The following STN1 variants were observed in gnomAD, a reference collection of about 807,000 sequenced individuals.
STN1 encodes STN1 subunit of CST complex.
STN1 carries 29 observed loss-of-function variants against 45.5 expected under a neutral mutation model. The observed-to-expected ratio is 0.64, with a 90% confidence interval of 0.47 to 0.87. The LOEUF is 0.87. Among genes scored for constraint, STN1 ranks in the 40% least tolerant of loss-of-function variants. The probability of loss-of-function intolerance (pLI) is 0.00; values close to 1 mark genes in which losing one functional copy is unlikely to be tolerated. For synonymous variants in STN1, 148 were observed against 159.0 expected (o/e 0.93, Z 0.52); for missense variants, 376 against 441.4 (o/e 0.85, Z 1.33).
chr10:103,885,266 A>T (rs750044257), intron 9 of STN1, among the ~76,000 whole-genome samples: 2 of 152,194 alleles, frequency 1.3e-5, no homozygotes, highest in Non-Finnish European at 2.9e-5. Flanking sequence ...GCTGACCAGC[A>T]AGCAAGGATA....
At chr10:103,890,521 C>T (rs1843133302) in intron 8 of STN1, among the ~76,000 whole-genome samples, 1 of 152,202 alleles carries the variant, frequency 6.6e-6, no homozygotes, top group African/African-American at 2.4e-5. Context: ...GACTGCTGCT[C>T]CTCAGGAAGG....
chr10:103,905,718 AG>A (rs1459956664), intron 3 of STN1, among the ~76,000 whole-genome samples: 1 of 152,176 alleles, frequency 6.6e-6, no homozygotes, highest in Admixed American at 6.5e-5. Context: ...TCACCACCGC[AG>A]GGGCTGTAAG....
At chr10:103,910,484 C>A in intron 3 of STN1, 43 bp downstream of exon 3, 1 of 1,334,746 alleles carries the variant, frequency 7.5e-7, no homozygotes, top group South Asian at 1.2e-5. Context: ...CCAGAAGGGT[C>A]AGCCTTCTAC....
chr10:103,905,104 A>C lies in STN1; in HGVS notation c.282T>G (p.Thr94=). 6.2e-7 allele frequency: 1 copy of C among 1,613,876 alleles called. No homozygotes were observed. Among genetic ancestry groups the C allele is most frequent in the South Asian group, 1.1e-5 (1 of 91,080 alleles). The change falls in exon 4 of 10, where the codon ACT becomes ACG. Residue 94 remains threonine (T), a synonymous_variant. Coordinates refer to ENST00000224950, the MANE Select transcript of STN1 (RefSeq NM_024928.5). ...INCICWKKLN[T]ESVSAAPSAA... ...AAATAAAATTACCTGATACAGACTCAGTATTCAACTTTTTCCAGCAGATGC... is the reference window on the plus strand; with the variant it reads ...AAATAAAATTACCTGATACAGACTCCGTATTCAACTTTTTCCAGCAGATGC...
Position 103,878,370 on chromosome 10 carries a change from C to G in STN1, c.*4314G>C, listed in dbSNP as rs964229503. The G allele has an allele frequency of 1.3e-5, 2 of 152,178 alleles. No homozygotes were observed. The highest frequency in any genetic ancestry group is 2.9e-5 in the Non-Finnish European group (2 of 68,048). The allele number at this position is 152,178 out of a possible 1,614,324, so 9.4% of individuals were successfully genotyped here. ...GCTCCAGAGAGTTTTCTAAGAGTCCCTCATGTTCTTAGAGTTCTGATGTTG... is the reference window on the plus strand; with the variant it reads ...GCTCCAGAGAGTTTTCTAAGAGTCCGTCATGTTCTTAGAGTTCTGATGTTG... On this transcript the variant is annotated 3_prime_UTR_variant, in exon 10 of 10. Coordinates refer to ENST00000224950, the MANE Select transcript of STN1 (RefSeq NM_024928.5).
chr10:103,917,522 C>A lies in STN1; in HGVS notation c.73G>T (p.Ala25Ser). 1.2e-6 allele frequency: 2 copies of A among 1,614,146 alleles called. No homozygotes were observed. Among genetic ancestry groups the A allele is most frequent in the Non-Finnish European group, 1.7e-6 (2 of 1,180,006 alleles). The change falls in exon 2 of 10, where the codon GCC (alanine) becomes TCC (serine). Residue 25 changes from alanine (A) to serine (S), a missense_variant. Ala to Ser is a moderately conservative substitution (Grantham distance 99). Transcript: ENST00000224950. ...TCCCTGATGTAGAGTTTTGCAAAGGCTAGAAACACAGGATCCAAACCCCAC... is the reference window on the plus strand; with the variant it reads ...TCCCTGATGTAGAGTTTTGCAAAGGATAGAAACACAGGATCCAAACCCCAC... ...LLWGLDPVFL[A>S]FAKLYIRDIL... is the part of the protein sequence containing the mutation.
At chr10:103,913,952 C>T (rs1433729356) in intron 2 of STN1, among the ~76,000 whole-genome samples, 1 of 152,112 alleles carries the variant, frequency 6.6e-6, no homozygotes, top group Non-Finnish European at 1.5e-5. Flanking sequence ...GATCTAGGGT[C>T]ACAGGCAGGT....
chr10:103,917,087 G>A (rs943875578), intron 2 of STN1, among the ~76,000 whole-genome samples: 1 of 152,018 alleles, frequency 6.6e-6, no homozygotes, highest in Non-Finnish European at 1.5e-5. Context: ...TCACATGCCC[G>A]GACCAGGTAA....
chr10:103,897,885 A>G (rs926565707), intron 6 of STN1, among the ~76,000 whole-genome samples, 166 bp from the exon 7 acceptor site: 1 of 152,204 alleles, frequency 6.6e-6, no homozygotes, highest in African/African-American at 2.4e-5. Flanking sequence ...GTTTAAAATG[A>G]TGAGGCAGAA....
At chr10:103,885,472 T>C (rs990088231) in intron 9 of STN1, among the ~76,000 whole-genome samples, 2 of 152,210 alleles carry the variant, frequency 1.3e-5, no homozygotes, top group Non-Finnish European at 2.9e-5. Context: ...TTCAACTATT[T>C]AGTCAGAAAG....
chr10:103,885,160 A>C (rs1843095523), intron 9 of STN1, among the ~76,000 whole-genome samples: 1 of 152,226 alleles, frequency 6.6e-6, no homozygotes, highest in African/African-American at 2.4e-5. Flanking sequence ...GATTTGGTTC[A>C]TCATATCCGT....
At chr10:103,914,366 A>ATTT (rs1437836812) in intron 2 of STN1, among the ~76,000 whole-genome samples, 2 of 10,374 alleles carry the variant, frequency 1.9e-4, no homozygotes, top group African/African-American at 4.6e-4. Flanking sequence ...ATATATATAT[A>ATTT]TATATATATT....
Position 103,878,096 on chromosome 10 carries a change from G to T in STN1, c.*4588C>A, listed in dbSNP as rs2134350218. The T allele has an allele frequency of 6.6e-6, 1 of 152,366 alleles. No homozygotes were observed. The highest frequency in any genetic ancestry group is 6.5e-5 in the Admixed American group (1 of 15,306). 9.4% of individuals were successfully genotyped at this position (152,366 alleles called of 1,614,324 possible). On this transcript the variant is annotated 3_prime_UTR_variant, in exon 10 of 10. Coordinates refer to ENST00000224950, the MANE Select transcript of STN1 (RefSeq NM_024928.5). ...CATCAGAGGAGAAAATAATGAGAAA[G>T]AAGTGTCTTACAGGGATGGGGAGCA...
At chr10:103,894,434 G>C (rs1392646111) in intron 7 of STN1, among the ~76,000 whole-genome samples, 1 of 152,162 alleles carries the variant, frequency 6.6e-6, no homozygotes, top group African/African-American at 2.4e-5. Context: ...TTTCAGCTGT[G>C]AGCAAGGACT....
At chr10:103,905,247 G>T in intron 3 of STN1, 91 bp from the exon 4 acceptor site, 2 of 1,140,960 alleles carry the variant, frequency 1.8e-6, no homozygotes, top group South Asian at 1.3e-5. Context: ...ACTGAAAGAT[G>T]ACCTCTTTCA....
chr10:103,887,812 T>C (rs1391002817), intron 9 of STN1, among the ~76,000 whole-genome samples: 1 of 152,210 alleles, frequency 6.6e-6, no homozygotes, highest in Non-Finnish European at 1.5e-5. Context: ...ATTCTTTTCA[T>C]GTGCTTTACT....
intron 3 of STN1, 32 bp downstream of exon 3, chr10:103,910,495 A>T: frequency 6.9e-7 from 1 of 1,446,020 alleles, no homozygotes. Context: ...AGCCTTCTAC[A>T]TCAACTTCAT....
chr10:103,917,563 T>C lies in STN1; in HGVS notation c.32A>G (p.Glu11Gly). MQPGSSRCEE[E>G]TPSLLWGLDP... The stretch of plus-strand genomic sequence containing the variant: ...CAAACCCCACAAGAGGGAAGGGGTC[T>C]CCTCTTCACACCGGCTGGATCCAGG... Residue 11 changes from glutamate to glycine, a missense_variant, in exon 2 of 10, where the codon GAG becomes GGG. Transcript: ENST00000224950. 6.2e-7 allele frequency: 1 copy of C among 1,614,024 alleles called. No individual in the cohort carries two copies. The highest frequency in any genetic ancestry group is 8.5e-7 in the Non-Finnish European group (1 of 1,179,894).
chr10:103,902,238 C>T (rs1009776267), intron 4 of STN1, among the ~76,000 whole-genome samples: 1 of 152,178 alleles, frequency 6.6e-6, no homozygotes, highest in Non-Finnish European at 1.5e-5. Flanking sequence ...TCAGAGCTTA[C>T]TGGGTTTCTT....
Sources: gnomAD v4.1 joint callset for allele counts (sites outside exome capture counted in the v4.1 genomes callset) on GRCh38, gnomAD v4.1.1 for gene constraint, MANE v1.5 for transcripts, NCBI Gene and HGNC (gene_info 2026-07-23, HGNC 2026-07-21) for gene names.